Variants in RNF182 observed in about 807,000 individuals in gnomAD.
RNF182 encodes E3 ubiquitin-protein ligase RNF182.
Under a neutral mutation model 14.4 loss-of-function variants are expected in RNF182, and 15 were observed. The observed-to-expected ratio is 1.04, with a 90% CI of 0.70 to 1.60. RNF182 has a LOEUF of 1.60. RNF182 is among the 40% of genes most tolerant of loss of function. RNF182 has a pLI of 0.00. For synonymous variants in RNF182, 128 were observed against 122.9 expected, an observed-to-expected ratio of 1.04 and a Z score of -0.27; for missense variants, 268 against 294.8, an observed-to-expected ratio of 0.91 and a Z score of 0.67.
intron 1 of RNF182, among the ~76,000 whole-genome samples, chr6:13,945,604 G>A (rs1470282541): frequency 6.6e-6 from 1 of 152,126 alleles, no homozygotes; most frequent in Non-Finnish European, 1.5e-5. Context: ...AAAAATTTTT[G>A]TCACTACAAT....
intron 1 of RNF182, among the ~76,000 whole-genome samples, chr6:13,933,103 G>T (rs1365142016): frequency 6.6e-6 from 1 of 152,184 alleles, no homozygotes; most frequent in Non-Finnish European, 1.5e-5. Flanking sequence ...CTATGACACA[G>T]ATGGACAGGC....
At chr6:13,948,128 A>G (rs973297839) in intron 1 of RNF182, among the ~76,000 whole-genome samples, 2 of 152,184 alleles carry the variant, frequency 1.3e-5, no homozygotes, top group Non-Finnish European at 2.9e-5. Context: ...TGTCTATGCA[A>G]TTCCTGTTTT....
chr6:13,925,647 T>C (rs1215140961), intron 1 of RNF182, among the ~76,000 whole-genome samples: 1 of 152,228 alleles, frequency 6.6e-6, no homozygotes, highest in Admixed American at 6.5e-5. Flanking sequence ...TGTAGAGCAG[T>C]ACCGATACTT....
rs1348058274 is a variant in RNF182 at position 13,980,298 on chromosome 6, CTT to C, written c.*2437_*2438del. 1 of 151,116 alleles carries C rather than the reference CTT, an allele frequency of 6.6e-6. No homozygotes were observed. The highest frequency in any genetic ancestry group is 1.5e-5 in the Non-Finnish European group (1 of 67,846). 9.4% of individuals were successfully genotyped at this position (151,116 alleles called of 1,614,324 possible). On this transcript the variant is annotated 3_prime_UTR_variant, in exon 3 of 3. Coordinates refer to ENST00000488300, the MANE Select transcript of RNF182 (RefSeq NM_152737.4). ...AGGGGAGATGAAATAAAAATATCGT[CTT>C]TATAAATAAATTCTTCGGTTTTAGT...
At chr6:13,954,118 A>G (rs1385282802) in intron 1 of RNF182, among the ~76,000 whole-genome samples, 1 of 152,176 alleles carries the variant, frequency 6.6e-6, no homozygotes, top group Non-Finnish European at 1.5e-5. Context: ...CATATGGCCA[A>G]TCTTGCTTCA....
intron 1 of RNF182, among the ~76,000 whole-genome samples, chr6:13,934,327 T>C (rs2113584429): frequency 6.6e-6 from 1 of 152,338 alleles, no homozygotes; most frequent in East Asian, 1.9e-4. Flanking sequence ...CAAGCCTGTC[T>C]ATGTCAGCTT....
intron 1 of RNF182, among the ~76,000 whole-genome samples, chr6:13,942,343 T>A (rs1759318335): frequency 6.6e-6 from 1 of 152,078 alleles, no homozygotes; most frequent in Non-Finnish European, 1.5e-5. Context: ...ATTCTTTAAT[T>A]AAAAAAAATT....
At chr6:13,957,728 T>C (rs1017761645) in intron 1 of RNF182, among the ~76,000 whole-genome samples, 2 of 152,234 alleles carry the variant, frequency 1.3e-5, no homozygotes, top group Admixed American at 1.3e-4. Flanking sequence ...GTATTTGTAA[T>C]TTTTAGAACA....
intron 1 of RNF182, among the ~76,000 whole-genome samples, chr6:13,927,995 T>C (rs78356678): frequency 0.016 from 2,510 of 152,332 alleles, 63 homozygotes; most frequent in African/African-American, 0.057. Flanking sequence ...TCAGAACTAC[T>C]GTGCTGAGAA....
In RNF182 at chr6:13,978,259, C is replaced by CA. The variant is rs1760395306; in HGVS notation, c.*399dup. On this transcript the variant is annotated 3_prime_UTR_variant, in exon 3 of 3. Coordinates refer to ENST00000488300, the MANE Select transcript of RNF182 (RefSeq NM_152737.4). ...ACAAGAGGAAAGTTGCTCTGAGACA[C>CA]AAAGTGTGTACTCCTTTCCCACCCC... 5.4e-6 allele frequency: 1 copy of CA among 184,132 alleles called. No homozygotes were observed. Among genetic ancestry groups the CA allele is most frequent in the African/African-American group, 2.4e-5 (1 of 41,760 alleles). 11.4% of individuals were successfully genotyped at this position (184,132 alleles called of 1,614,324 possible). A position where few individuals can be genotyped will look rare whatever the true frequency, so the allele number is the denominator to read the frequency against.
At chr6:13,926,158 T>A (rs972995395) in intron 1 of RNF182, among the ~76,000 whole-genome samples, 16 of 152,222 alleles carry the variant, frequency 1.1e-4, no homozygotes, top group Admixed American at 3.3e-4. Flanking sequence ...TATAAAATTG[T>A]ATATCCAACT....
At chr6:13,971,100 CCTTCAAGGCGTCGG>C (rs1760167037) in intron 1 of RNF182, among the ~76,000 whole-genome samples, 1 of 152,044 alleles carries the variant, frequency 6.6e-6, no homozygotes, top group Non-Finnish European at 1.5e-5. Flanking sequence ...TTTTTTCTTC[CCTTCAAGGCGTCGG>C]CTGTCCTGAT....
At chr6:13,951,140 T>C (rs1448588875) in intron 1 of RNF182, among the ~76,000 whole-genome samples, 1 of 152,170 alleles carries the variant, frequency 6.6e-6, no homozygotes, top group African/African-American at 2.4e-5. Context: ...CTTTCATATG[T>C]AAACATCACA....
intron 1 of RNF182, among the ~76,000 whole-genome samples, chr6:13,954,275 A>G (rs1189144549): frequency 6.6e-6 from 1 of 152,228 alleles, no homozygotes; most frequent in East Asian, 1.9e-4. Flanking sequence ...ATCACACCAG[A>G]AAACAATTGC....
At chr6:13,973,316 T>C (rs1760241323) in intron 1 of RNF182, among the ~76,000 whole-genome samples, 1 of 152,300 alleles carries the variant, frequency 6.6e-6, no homozygotes, top group South Asian at 2.1e-4. Flanking sequence ...GACTTTGGAC[T>C]ATGGACTTTT....
chr6:13,964,383 G>A (rs1759963013), intron 1 of RNF182, among the ~76,000 whole-genome samples: 1 of 152,184 alleles, frequency 6.6e-6, no homozygotes, highest in African/African-American at 2.4e-5. Flanking sequence ...AACATGCTTA[G>A]TATTGCCAAT....
chr6:13,937,101 A>G (rs907873743), intron 1 of RNF182, among the ~76,000 whole-genome samples: 1 of 152,184 alleles, frequency 6.6e-6, no homozygotes, highest in Non-Finnish European at 1.5e-5. Flanking sequence ...CAATCACATT[A>G]CTTGTTTTGT....
intron 1 of RNF182, among the ~76,000 whole-genome samples, chr6:13,932,612 TG>T (rs1255785464): frequency 6.6e-6 from 1 of 152,226 alleles, no homozygotes; most frequent in Non-Finnish European, 1.5e-5. Context: ...TTGAATATTT[TG>T]TCACTTACAA....
In RNF182 at chr6:13,977,616, A is replaced by G. The variant is rs1561790987; in HGVS notation, c.497A>G (p.His166Arg). 1 of 1,614,202 alleles carries G rather than the reference A, an allele frequency of 6.2e-7. No individual in the cohort carries two copies. Among genetic ancestry groups the G allele is most frequent in the East Asian group, 2.2e-5 (1 of 44,872 alleles). Residue 166 changes from histidine (H) to arginine (R), a missense_variant, in exon 3 of 3, where the codon CAC (histidine) becomes CGC (arginine). By Grantham distance (29) the His-to-Arg change is conservative (BLOSUM62 0). Transcript: ENST00000488300. ...ASFDSVTTVSHNWTVWNCTSL... is the reference protein window; with the variant it reads ...ASFDSVTTVSRNWTVWNCTSL... ...TTCGACTCTGTCACCACTGTGTCAC[A>G]CAACTGGACTGTGTGGAACTGCACG...
Sources: gnomAD v4.1 joint callset for allele counts (sites outside exome capture counted in the v4.1 genomes callset) on GRCh38, gnomAD v4.1.1 for gene constraint, MANE v1.5 for transcripts, NCBI Gene and HGNC (gene_info 2026-07-23, HGNC 2026-07-21) for gene names.